RIMS2: variants seen among roughly 807,000 people sequenced by gnomAD.
The protein encoded by RIMS2 is regulating synaptic membrane exocytosis 2.
A neutral mutation model predicts 174.4 loss-of-function variants in RIMS2; 59 were observed. That is an observed-to-expected ratio of 0.34 (90% CI 0.27 to 0.42). The LOEUF is 0.42. Among genes scored for constraint, RIMS2 ranks in the 10% least tolerant of loss-of-function variants. The pLI, the probability that RIMS2 is intolerant of heterozygous loss-of-function variation, is 1.00. For synonymous variants in RIMS2, 606 were observed against 572.5 expected, an observed-to-expected ratio of 1.06 and a Z score of -0.84; for missense variants, 1,620 against 1,666.3, an observed-to-expected ratio of 0.97 and a Z score of 0.48.
At chr8:103,667,742 G>A (rs1275921591) in intron 1 of RIMS2, among the ~76,000 whole-genome samples, 1 of 152,198 alleles carries the variant, frequency 6.6e-6, no homozygotes. Context: ...CTTGATCTGT[G>A]ATCTTTGGAA....
intron 3 of RIMS2, among the ~76,000 whole-genome samples, chr8:103,818,717 T>C (rs1417627495): frequency 6.6e-6 from 1 of 152,176 alleles, no homozygotes; most frequent in East Asian, 1.9e-4. Context: ...ACTATGTATA[T>C]AGCCTTTAGA....
chr8:103,576,266 C>A (rs10093848), intron 1 of RIMS2, among the ~76,000 whole-genome samples: 27,868 of 152,100 alleles, frequency 0.18, 2,809 homozygotes, highest in African/African-American at 0.26. Flanking sequence ...AGTGCCAAAA[C>A]GGTGGCAGCA....
chr8:104,070,119 A>G (rs2154561510), intron 19 of RIMS2, among the ~76,000 whole-genome samples: 1 of 152,332 alleles, frequency 6.6e-6, no homozygotes, highest in Admixed American at 6.5e-5. Flanking sequence ...ATAAGTGGCT[A>G]TGTTGGGTAT....
Position 103,948,138 on chromosome 8 carries a change from C to G in RIMS2, c.2701+5212C>G, listed in dbSNP as rs76099556. On this transcript the variant is annotated intron_variant, in intron 14 of 23. Coordinates refer to ENST00000504942, the Ensembl canonical transcript of RIMS2. The stretch of plus-strand genomic sequence containing the variant: ...TGAAATGCAAGTTATGCCACAATTA[C>G]ATTACTTAACACCCACTAGAATGAA... Among the ~76,000 whole-genome samples, 1,498 of 152,224 alleles carry G rather than the reference C, an allele frequency of 9.8e-3. 19 individuals are homozygous for G. Among genetic ancestry groups the G allele is most frequent in the South Asian group, 0.046 (223 of 4,834 alleles).
chr8:104,152,462 A>G (rs1392305499), intron 19 of RIMS2, among the ~76,000 whole-genome samples: 6 of 152,094 alleles, frequency 3.9e-5, no homozygotes, highest in East Asian at 1.9e-4. Flanking sequence ...CAAACTTCCA[A>G]TGGGTTTCTC....
intron 2 of RIMS2, among the ~76,000 whole-genome samples, chr8:103,700,366 T>C (rs746392529): frequency 6.6e-6 from 1 of 152,044 alleles, no homozygotes; most frequent in Admixed American, 6.6e-5. Context: ...TCACTTGGTC[T>C]AATACATGTA....
At chr8:104,070,706 A>G (rs2097181501) in intron 19 of RIMS2, among the ~76,000 whole-genome samples, 1 of 152,186 alleles carries the variant, frequency 6.6e-6, no homozygotes. Flanking sequence ...TCTTCAGATA[A>G]CATAAATTTG....
At chr8:103,927,739 G>A in intron 10 of RIMS2, 3 of 724,356 alleles carry the variant, frequency 4.1e-6, no homozygotes, top group Middle Eastern at 2.5e-4. Flanking sequence ...TTGTATTTAA[G>A]GGATAGTTGT....
intron 4 of RIMS2, among the ~76,000 whole-genome samples, chr8:103,895,719 T>C (rs1051860492): frequency 1.3e-5 from 2 of 151,670 alleles, no homozygotes; most frequent in Non-Finnish European, 2.9e-5. Flanking sequence ...TTTTAAGTGA[T>C]GATCATGTAA....
chr8:103,702,642 A>G (rs1234127217), intron 2 of RIMS2, among the ~76,000 whole-genome samples: 1 of 152,158 alleles, frequency 6.6e-6, no homozygotes, highest in Non-Finnish European at 1.5e-5. Context: ...TAATTTTCTC[A>G]GAACCATTTG....
At chr8:104,194,062 T>G (rs73301355) in intron 19 of RIMS2, among the ~76,000 whole-genome samples, 227 of 152,286 alleles carry the variant, frequency 1.5e-3, no homozygotes, top group African/African-American at 5.1e-3. Flanking sequence ...TCAAATGGTC[T>G]TTTTCACAAT....
intron 19 of RIMS2, among the ~76,000 whole-genome samples, chr8:104,046,192 G>A (rs566575967): frequency 6.6e-6 from 1 of 152,016 alleles, no homozygotes; most frequent in African/African-American, 2.4e-5. Flanking sequence ...TCTGGCTAGG[G>A]CCTGCTTTCT....
intron 2 of RIMS2, among the ~76,000 whole-genome samples, chr8:103,741,585 G>C (rs1235784783): frequency 6.6e-6 from 1 of 152,000 alleles, no homozygotes; most frequent in African/African-American, 2.4e-5. Flanking sequence ...TACCAAAAAA[G>C]CTGTACCAAG....
intron 19 of RIMS2, among the ~76,000 whole-genome samples, chr8:104,172,943 T>C (rs2098840696): frequency 6.6e-6 from 1 of 152,208 alleles, no homozygotes; most frequent in African/African-American, 2.4e-5. Context: ...CTACGTGAAT[T>C]ACATGAAGAT....
At chr8:103,613,579 A>T (rs1023546040) in intron 1 of RIMS2, among the ~76,000 whole-genome samples, 1 of 152,200 alleles carries the variant, frequency 6.6e-6, no homozygotes, top group Non-Finnish European at 1.5e-5. Flanking sequence ...AAGATGCAAG[A>T]CATAGTTTCC....
intron 2 of RIMS2, among the ~76,000 whole-genome samples, chr8:103,741,608 A>G (rs1474134598): frequency 1.3e-5 from 2 of 152,074 alleles, no homozygotes; most frequent in East Asian, 3.9e-4. Flanking sequence ...TTATCAAATG[A>G]CTATTTAAAC....
chr8:104,020,216 TGTG>T (rs2096053113), intron 19 of RIMS2, among the ~76,000 whole-genome samples: 1 of 152,022 alleles, frequency 6.6e-6, no homozygotes, highest in East Asian at 1.9e-4. Context: ...TCTTTTTTGA[TGTG>T]CTTGGTTTTT....
chr8:103,658,756 C>T (rs2096561505), intron 1 of RIMS2, among the ~76,000 whole-genome samples: 1 of 152,122 alleles, frequency 6.6e-6, no homozygotes, highest in Non-Finnish European at 1.5e-5. Flanking sequence ...AGTTTTTCTC[C>T]CTTGTCTCCT....
intron 16 of RIMS2, among the ~76,000 whole-genome samples, chr8:103,982,877 C>T (rs575435464): frequency 1.3e-5 from 2 of 152,286 alleles, no homozygotes; most frequent in Non-Finnish European, 2.9e-5. Flanking sequence ...TCTTATTCAG[C>T]ATAGTACTGG....
Sources: gnomAD v4.1 joint callset for allele counts (sites outside exome capture counted in the v4.1 genomes callset) on GRCh38, gnomAD v4.1.1 for gene constraint, MANE v1.5 for transcripts, NCBI Gene and HGNC (gene_info 2026-07-23, HGNC 2026-07-21) for gene names.